KLF12: variants seen among roughly 807,000 people sequenced by gnomAD.
KLF12 encodes KLF transcription factor 12.
In KLF12, 9 loss-of-function variants were observed where a neutral mutation model predicts 37.8. The observed-to-expected ratio is 0.24, with a 90% CI of 0.14 to 0.42. The LOEUF is 0.42. Ranked by LOEUF, KLF12 falls within the 10% of genes least tolerant of loss-of-function variation. The pLI, the probability that KLF12 is intolerant of heterozygous loss-of-function variation, is 1.00. For missense variants in KLF12, 411 were observed against 516.0 expected (o/e 0.80, Z 1.97); for synonymous variants, 208 against 202.1 (o/e 1.03, Z -0.25).
At chr13:74,141,513 G>A in the KLF12 span, among the ~76,000 whole-genome samples, 2 of 152,186 alleles carry the variant, frequency 1.3e-5, no homozygotes, top group African/African-American at 4.8e-5. Context: ...ACTAATGCCA[G>A]TTAAAGATAC....
intron 3 of KLF12, among the ~76,000 whole-genome samples, chr13:73,918,986 C>T (rs1392386734): frequency 3.3e-5 from 5 of 152,060 alleles, no homozygotes; most frequent in Non-Finnish European, 2.9e-5. Flanking sequence ...CTGGAGAATC[C>T]CTGCCAAATG....
intron 1 of KLF12, among the ~76,000 whole-genome samples, chr13:74,080,870 A>G (rs1206177237): frequency 1.3e-5 from 2 of 152,222 alleles, no homozygotes; most frequent in Non-Finnish European, 2.9e-5. Context: ...ACTGATGAGG[A>G]AAGAGACAAA....
At chr13:74,009,731 G>A (rs995411691) in intron 1 of KLF12, among the ~76,000 whole-genome samples, 5 of 152,154 alleles carry the variant, frequency 3.3e-5, no homozygotes, top group Admixed American at 3.3e-4. Flanking sequence ...GATCTCAGAA[G>A]TGCTACATGA....
chr13:74,007,720 TGAA>T (rs1892449656), intron 1 of KLF12, among the ~76,000 whole-genome samples: 1 of 152,144 alleles, frequency 6.6e-6, no homozygotes, highest in South Asian at 2.1e-4. Flanking sequence ...GCAGAAAATA[TGAA>T]GAATAGTCAC....
chr13:73,874,620 T>C (rs1053561096), intron 3 of KLF12, among the ~76,000 whole-genome samples: 5 of 152,152 alleles, frequency 3.3e-5, no homozygotes, highest in African/African-American at 4.8e-5. Context: ...GTGTGGTACA[T>C]AGTCATATAG....
At chr13:73,895,744 T>C (rs975974952) in intron 3 of KLF12, among the ~76,000 whole-genome samples, 3 of 152,072 alleles carry the variant, frequency 2.0e-5, no homozygotes, top group Admixed American at 6.5e-5. Context: ...TAGTTTGATA[T>C]TAGATTAACA....
At chr13:74,152,131 C>T in the KLF12 span, among the ~76,000 whole-genome samples, 12 of 152,246 alleles carry the variant, frequency 7.9e-5, no homozygotes, top group African/African-American at 2.6e-4. Context: ...CCACTGGGCT[C>T]CTACAGTGAT....
At chr13:73,893,368 ACTTT>A (rs1410210572) in intron 3 of KLF12, among the ~76,000 whole-genome samples, 1 of 84,462 alleles carries the variant, frequency 1.2e-5, no homozygotes, top group African/African-American at 4.6e-5. Flanking sequence ...AACAATATTG[ACTTT>A]TTTTTTTTTT....
At chr13:73,861,502 T>C (rs896680949) in intron 3 of KLF12, among the ~76,000 whole-genome samples, 1 of 152,242 alleles carries the variant, frequency 6.6e-6, no homozygotes, top group East Asian at 1.9e-4. Flanking sequence ...TGGCAGGTAA[T>C]GTGTCCCCCA....
intron 1 of KLF12, among the ~76,000 whole-genome samples, chr13:74,114,117 G>A (rs1013117862): frequency 1.3e-5 from 2 of 152,124 alleles, no homozygotes; most frequent in African/African-American, 4.8e-5. Flanking sequence ...TACAAACAAA[G>A]TAAGTGGTTT....
chr13:73,876,226 AC>A (rs1269215672), intron 3 of KLF12, among the ~76,000 whole-genome samples: 2 of 151,826 alleles, frequency 1.3e-5, no homozygotes, highest in African/African-American at 4.8e-5. Flanking sequence ...TCACCTTCAC[AC>A]TACCACAGAT....
intron 1 of KLF12, among the ~76,000 whole-genome samples, chr13:74,092,343 G>A (rs1329037511): frequency 6.7e-6 from 1 of 149,734 alleles, no homozygotes; most frequent in East Asian, 2.0e-4. Context: ...AAAAACTTCT[G>A]TGCAAAGGAT....
chr13:73,773,692 C>T (rs1880411491), intron 5 of KLF12, among the ~76,000 whole-genome samples: 1 of 152,150 alleles, frequency 6.6e-6, no homozygotes, highest in Admixed American at 6.5e-5. Flanking sequence ...CTCCACTGTC[C>T]CTTTAATGGC....
At chr13:74,102,604 G>A (rs991094867) in intron 1 of KLF12, among the ~76,000 whole-genome samples, 3 of 152,030 alleles carry the variant, frequency 2.0e-5, no homozygotes, top group African/African-American at 7.2e-5. Flanking sequence ...GGCTGAGGCA[G>A]GAGAATCGCT....
At chr13:74,090,542 C>G (rs915854942) in intron 1 of KLF12, among the ~76,000 whole-genome samples, 3 of 152,118 alleles carry the variant, frequency 2.0e-5, no homozygotes, top group African/African-American at 7.2e-5. Context: ...CATGTAGAGT[C>G]TAATAAATGT....
At chr13:73,863,944 T>G (rs1886052697) in intron 3 of KLF12, among the ~76,000 whole-genome samples, 1 of 152,212 alleles carries the variant, frequency 6.6e-6, no homozygotes, top group African/African-American at 2.4e-5. Flanking sequence ...GTACAGTTTT[T>G]AATTCTAAAT....
chr13:74,228,039 A>G, the KLF12 span, among the ~76,000 whole-genome samples: 1 of 152,146 alleles, frequency 6.6e-6, no homozygotes, highest in Admixed American at 6.6e-5. Context: ...GAGAAAGAAA[A>G]GGAGACAGAT....
At position 73,868,338 on chromosome 13, in the gene KLF12, G is replaced by GC. The variant is rs568835804; in HGVS notation, c.124-21966_124-21965insG. ...AAAGGCGGGGGCGGTGGGGGGGGGG[G>GC]GTGATTTCAGTACAAAGCCTACAGA... is the stretch of plus-strand genomic sequence containing the variant. On this transcript the variant is annotated intron_variant, in intron 3 of 7. Coordinates refer to ENST00000377669, the MANE Select transcript of KLF12 (RefSeq NM_007249.5). 5.5e-5 allele frequency among the ~76,000 whole-genome samples: 7 copies of GC among 128,334 alleles called. No homozygotes were observed. In the South Asian group the frequency reaches 1.8e-3, roughly 33 times the overall value. The allele number at this position is 128,334 out of a possible 152,430, so 84.2% of individuals were successfully genotyped here.
the KLF12 span, among the ~76,000 whole-genome samples, chr13:74,241,726 G>A: frequency 7.2e-5 from 11 of 152,302 alleles, no homozygotes; most frequent in Non-Finnish European, 7.3e-5. Context: ...GGTGCCGTCC[G>A]TCACCCCTTT....
Sources: allele counts gnomAD v4.1 joint callset (sites outside exome capture counted in the v4.1 genomes callset), GRCh38; gene constraint gnomAD v4.1.1; transcripts MANE v1.5; gene names NCBI Gene and HGNC (gene_info 2026-07-23, HGNC 2026-07-21).